EDDM3A: variants seen among roughly 807,000 people sequenced by gnomAD.
EDDM3A encodes the protein epididymal secretory protein E3-alpha.
For synonymous variants in EDDM3A, 75 were observed against 60.4 expected, an observed-to-expected ratio of 1.24 and a Z score of -1.12; for missense variants, 199 against 177.4, an observed-to-expected ratio of 1.12 and a Z score of -0.69.
chr14:20,746,887 A>G (rs1227033575), intron 1 of EDDM3A, among the ~76,000 whole-genome samples: 2 of 152,172 alleles, frequency 1.3e-5, no homozygotes, highest in Admixed American at 1.3e-4. Flanking sequence ...TTTGCAGACA[A>G]TACGCTTAAA....
chr14:20,747,983 A>G lies in EDDM3A; in HGVS notation c.403A>G (p.Asn135Asp), dbSNP rs1271846755. Residue 135 changes from asparagine (N) to aspartate (D), a missense_variant, in exon 2 of 2, where the codon AAC becomes GAC. By Grantham distance (23) the Asn-to-Asp change is conservative (BLOSUM62 1). Transcript: ENST00000326842. ...TTGTGGCGTAGATGGATATGTTGAT[A>G]ACATAGAAGACCTGAGGATTATAGA... ...FHCGVDGYVD[N>D]IEDLRIIEPI... 1 of 1,612,310 alleles carries G rather than the reference A, an allele frequency of 6.2e-7. No homozygotes were observed. Among genetic ancestry groups the G allele is most frequent in the Non-Finnish European group, 8.5e-7 (1 of 1,179,236 alleles).
chr14:20,738,469 CAAAATAAATAAAT>C, the EDDM3A span, among the ~76,000 whole-genome samples: 2 of 92,522 alleles, frequency 2.2e-5, no homozygotes, highest in Non-Finnish European at 4.5e-5. Flanking sequence ...GACTCTGTCT[CAAAATAAATAAAT>C]AAATAAATAA....
chr14:20,748,109 A>T lies in EDDM3A; in HGVS notation c.*85A>T, dbSNP rs553093994. 1 of 937,118 alleles carries T rather than the reference A, an allele frequency of 1.1e-6. No individual in the cohort carries two copies. Among genetic ancestry groups the T allele is most frequent in the South Asian group, 2.0e-5 (1 of 50,816 alleles). The allele number at this position is 937,118 out of a possible 1,614,324, so 58.1% of individuals were successfully genotyped here. On this transcript the variant is annotated 3_prime_UTR_variant, in exon 2 of 2. Transcript: ENST00000326842. Reference sequence around the variant, plus strand: ...CCTGCCTCCATCAATAGCCCCTGCCACTCCCCGCTTACATTTATGTGTCAG... The same window carrying T: ...CCTGCCTCCATCAATAGCCCCTGCCTCTCCCCGCTTACATTTATGTGTCAG...
the EDDM3A span, among the ~76,000 whole-genome samples, chr14:20,736,607 C>T: frequency 8.5e-5 from 13 of 152,136 alleles, no homozygotes; most frequent in Non-Finnish European, 1.8e-4. Context: ...TCTCATATTA[C>T]TCTTTGGTTT....
At position 20,747,867 on chromosome 14, in the gene EDDM3A, C is replaced by G; in HGVS notation, c.287C>G (p.Ala96Gly). The G allele has an allele frequency of 6.2e-7, 1 of 1,614,004 alleles. No homozygotes were observed. The highest frequency in any genetic ancestry group is 1.1e-5 in the South Asian group (1 of 91,074). ...SDRYRNAYVW[A>G]PGALKVLECH... ...CGATATAGAAATGCATATGTATGGG[C>G]CCCAGGTGCCCTCAAAGTACTCGAG... Residue 96 changes from alanine to glycine, a missense_variant, in exon 2 of 2, where the codon GCC (alanine) becomes GGC (glycine). By Grantham distance (60) the Ala-to-Gly change is moderately conservative (BLOSUM62 0). Coordinates refer to ENST00000326842, the MANE Select transcript of EDDM3A (RefSeq NM_006683.5).
the EDDM3A span, among the ~76,000 whole-genome samples, chr14:20,739,089 A>G: frequency 6.6e-6 from 1 of 152,320 alleles, no homozygotes; most frequent in Middle Eastern, 3.4e-3. Flanking sequence ...GCAGTCCAAA[A>G]TAATCTTTAC....
upstream of EDDM3A, among the ~76,000 whole-genome samples, chr14:20,743,508 C>G (rs890738149): frequency 6.9e-6 from 1 of 144,530 alleles, no homozygotes; most frequent in African/African-American, 2.9e-5. Flanking sequence ...TGAGATCATG[C>G]CTGGACGACA....
chr14:20,738,302 T>A, the EDDM3A span, among the ~76,000 whole-genome samples: 1 of 151,922 alleles, frequency 6.6e-6, no homozygotes, highest in Non-Finnish European at 1.5e-5. Context: ...TGAAACCTCA[T>A]CTCTACAAAA....
the EDDM3A span, among the ~76,000 whole-genome samples, chr14:20,738,364 G>A: frequency 7.2e-5 from 11 of 152,022 alleles, no homozygotes; most frequent in Non-Finnish European, 1.0e-4. Context: ...CCAGCTACTC[G>A]GGGGGCTGAG....
the EDDM3A span, among the ~76,000 whole-genome samples, chr14:20,740,190 C>T: frequency 6.6e-6 from 1 of 152,218 alleles, no homozygotes; most frequent in East Asian, 1.9e-4. Context: ...TACACTATTT[C>T]TCTGCTGCTA....
At chr14:20,743,549 A>G (rs991924972), upstream of EDDM3A, among the ~76,000 whole-genome samples, 1 of 152,220 alleles carries the variant, frequency 6.6e-6, no homozygotes, top group African/African-American at 2.4e-5. Flanking sequence ...AAATAATAAT[A>G]ATAATAATAA....
At chr14:20,744,972 G>C (rs965724305), upstream of EDDM3A, among the ~76,000 whole-genome samples, 19 of 152,188 alleles carry the variant, frequency 1.2e-4, no homozygotes, top group Non-Finnish European at 2.2e-4. Flanking sequence ...TGTAATCCCA[G>C]CACTTTTAGA....
intron 1 of EDDM3A, among the ~76,000 whole-genome samples, chr14:20,746,670 G>A (rs1300065933): frequency 2.0e-5 from 3 of 152,202 alleles, no homozygotes; most frequent in Non-Finnish European, 4.4e-5. Flanking sequence ...GAGAAGGGAT[G>A]CCGATAGTTA....
At chr14:20,744,273 A>G (rs563880303), upstream of EDDM3A, among the ~76,000 whole-genome samples, 17 of 152,318 alleles carry the variant, frequency 1.1e-4, no homozygotes, top group East Asian at 3.1e-3. Flanking sequence ...CCAGTCTATC[A>G]GCACATGATT....
At chr14:20,747,009 T>C (rs1051353349) in intron 1 of EDDM3A, among the ~76,000 whole-genome samples, 1 of 151,062 alleles carries the variant, frequency 6.6e-6, no homozygotes, top group African/African-American at 2.4e-5. Flanking sequence ...CAGGAGATAT[T>C]TGAAATTCTC....
At chr14:20,739,565 C>A in the EDDM3A span, among the ~76,000 whole-genome samples, 7,052 of 152,202 alleles carry the variant, frequency 0.046, 563 homozygotes, top group African/African-American at 0.16. Context: ...CTAAAATATG[C>A]CCCAGATACA....
At chr14:20,741,080 T>C (rs561831262), upstream of EDDM3A, among the ~76,000 whole-genome samples, 12 of 152,346 alleles carry the variant, frequency 7.9e-5, no homozygotes, top group Admixed American at 3.3e-4. Flanking sequence ...CTCTTCTATA[T>C]TATTTTCTTC....
At chr14:20,745,515 G>A (rs1280229730), upstream of EDDM3A, among the ~76,000 whole-genome samples, 1 of 136,928 alleles carries the variant, frequency 7.3e-6, no homozygotes, top group Non-Finnish European at 1.6e-5. Context: ...AACAGAGCGA[G>A]ACTCCATCTC....
the EDDM3A span, among the ~76,000 whole-genome samples, chr14:20,737,808 G>A: frequency 5.0e-4 from 76 of 152,176 alleles, no homozygotes; most frequent in Non-Finnish European, 9.1e-4. Flanking sequence ...GGAACTATGT[G>A]AAATTCTGTT....
Sources: allele counts gnomAD v4.1 joint callset (sites outside exome capture counted in the v4.1 genomes callset), GRCh38; gene constraint gnomAD v4.1.1; transcripts MANE v1.5; gene names NCBI Gene and HGNC (gene_info 2026-07-23, HGNC 2026-07-21).